The following PKIA variants were observed in gnomAD, a reference collection of about 807,000 sequenced individuals.
PKIA encodes the protein cAMP-dependent protein kinase inhibitor alpha.
A neutral mutation model predicts 7.6 loss-of-function variants in PKIA; 4 were observed. That is an observed-to-expected ratio of 0.52 (90% CI 0.26 to 1.20). The LOEUF (loss-of-function observed/expected upper bound fraction) is 1.20, where lower values mean the gene tolerates loss of function less well. Among genes scored for constraint, PKIA ranks in the 50% most tolerant of loss-of-function variants. PKIA has a pLI of 0.13. For synonymous variants in PKIA, 21 were observed against 30.7 expected (o/e 0.68, Z 1.04); for missense variants, 73 against 86.2 (o/e 0.85, Z 0.61).
chr8:78,575,666 G>T (rs376197379), intron 2 of PKIA, among the ~76,000 whole-genome samples: 1 of 151,976 alleles, frequency 6.6e-6, no homozygotes, highest in Admixed American at 6.6e-5. Context: ...TGGGGAATTT[G>T]AATATTCAGC....
At chr8:78,567,912 GT>G in intron 1 of PKIA, among the ~76,000 whole-genome samples, 1 of 152,090 alleles carries the variant, frequency 6.6e-6, no homozygotes, top group Non-Finnish European at 1.5e-5. Context: ...ATAATTGTGG[GT>G]TTTTAAAAAT....
intron 1 of PKIA, among the ~76,000 whole-genome samples, chr8:78,531,901 T>C (rs553022804): frequency 7.2e-5 from 11 of 152,248 alleles, no homozygotes; most frequent in African/African-American, 2.4e-4. Flanking sequence ...TTCAATAGAA[T>C]AGTCTTAAAT....
At chr8:78,559,152 C>G (rs557220640) in intron 1 of PKIA, among the ~76,000 whole-genome samples, 2 of 152,158 alleles carry the variant, frequency 1.3e-5, no homozygotes, top group African/African-American at 2.4e-5. Context: ...AAACTCCTGA[C>G]CTCAGGTGAT....
chr8:78,598,540 G>A lies in PKIA; in HGVS notation c.151+5G>A, dbSNP rs1450234209. The A allele has an allele frequency of 2.5e-6, 4 of 1,603,684 alleles. No homozygotes were observed. In the East Asian group the frequency reaches 6.7e-5, roughly 27 times the overall value. ...GTCTTGATATCAACAAGACAGGTAAGTCATCTGGCACACATTTCTCTATGA... is the reference window on the plus strand; with the variant it reads ...GTCTTGATATCAACAAGACAGGTAAATCATCTGGCACACATTTCTCTATGA... On this transcript the variant is annotated splice_donor_5th_base_variant and intron_variant, in intron 3 of 3. Transcript: ENST00000396418.
intron 1 of PKIA, among the ~76,000 whole-genome samples, chr8:78,564,343 A>T (rs2118528088): frequency 6.6e-6 from 1 of 152,038 alleles, no homozygotes; most frequent in East Asian, 1.9e-4. Flanking sequence ...GCTACCTAGG[A>T]ATAAGTTATG....
At chr8:78,549,621 C>T (rs1367370713) in intron 1 of PKIA, among the ~76,000 whole-genome samples, 1 of 151,318 alleles carries the variant, frequency 6.6e-6, no homozygotes, top group Non-Finnish European at 1.5e-5. Flanking sequence ...ATCCTATAAG[C>T]TTCACTGAAA....
At chr8:78,576,051 A>G (rs1282459775) in intron 2 of PKIA, among the ~76,000 whole-genome samples, 1 of 151,894 alleles carries the variant, frequency 6.6e-6, no homozygotes, top group African/African-American at 2.4e-5. Flanking sequence ...TTCTTCTTAT[A>G]AGGAATCCAG....
rs981466689 is a variant in PKIA, at chr8:78,537,166, GGTTTA to G, written c.-157+20708_-157+20712del. 1.7e-4 allele frequency among the ~76,000 whole-genome samples: 25 copies of G among 151,086 alleles called. No homozygotes were observed. The East Asian group carries it at 3.1e-3, about 19-fold the overall frequency. The stretch of plus-strand genomic sequence containing the variant: ...TTCCCAAAATTTCCCCAAGTAACAA[GGTTTA>G]GTTTAGTTTTTTTTTTTTTTAAGCT... On this transcript the variant is annotated intron_variant, in intron 1 of 3. Coordinates refer to ENST00000396418, the MANE Select transcript of PKIA (RefSeq NM_006823.4).
At chr8:78,598,817 C>A (rs1808289773) in intron 3 of PKIA, among the ~76,000 whole-genome samples, 1 of 151,870 alleles carries the variant, frequency 6.6e-6, no homozygotes, top group African/African-American at 2.4e-5. Context: ...ATCCTAATTT[C>A]TATAAAAGCT....
intron 1 of PKIA, among the ~76,000 whole-genome samples, chr8:78,536,616 A>G (rs1160368027): frequency 6.6e-6 from 1 of 152,052 alleles, no homozygotes; most frequent in African/African-American, 2.4e-5. Flanking sequence ...AGGAAGGTAG[A>G]AGAAACAATT....
intron 1 of PKIA, among the ~76,000 whole-genome samples, chr8:78,537,054 G>T (rs2118389506): frequency 6.6e-6 from 1 of 152,102 alleles, no homozygotes; most frequent in South Asian, 2.1e-4. Flanking sequence ...GACCTAGATA[G>T]AGCTCAGGGT....
intron 1 of PKIA, among the ~76,000 whole-genome samples, chr8:78,529,150 T>C (rs1208444327): frequency 1.3e-5 from 2 of 152,062 alleles, no homozygotes; most frequent in African/African-American, 4.8e-5. Flanking sequence ...ATTAACAAAA[T>C]GATTTATTTT....
intron 3 of PKIA, among the ~76,000 whole-genome samples, chr8:78,600,198 A>G (rs998241767): frequency 6.6e-6 from 1 of 151,964 alleles, no homozygotes; most frequent in African/African-American, 2.4e-5. Context: ...TTCTAAGTAC[A>G]AAAAACTAAT....
At chr8:78,518,371 T>C (rs1340476003) in intron 1 of PKIA, among the ~76,000 whole-genome samples, 1 of 152,206 alleles carries the variant, frequency 6.6e-6, no homozygotes, top group Non-Finnish European at 1.5e-5. Flanking sequence ...AACTATGAGG[T>C]AACAAAGAAC....
chr8:78,560,787 C>A (rs190249104), intron 1 of PKIA, among the ~76,000 whole-genome samples: 1 of 152,270 alleles, frequency 6.6e-6, no homozygotes, highest in Non-Finnish European at 1.5e-5. Flanking sequence ...ACAGGATAGC[C>A]TGAAAAGATA....
rs1489848777 is a variant in PKIA, at chr8:78,602,656, A to T, written c.*835A>T. 1 of 149,830 alleles carries T rather than the reference A, an allele frequency of 6.7e-6. No homozygotes were observed. The highest frequency in any genetic ancestry group is 1.5e-5 in the Non-Finnish European group (1 of 67,396). 9.3% of individuals were successfully genotyped at this position (149,830 alleles called of 1,614,324 possible). ...GCACAGACTGGAATTCAATCTGTCA[A>T]ATTTGTTTTATTCTCAAGTGGAGAA... On this transcript the variant is annotated 3_prime_UTR_variant, in exon 4 of 4. Transcript: ENST00000396418.
At chr8:78,531,265 T>G (rs1232355035) in intron 1 of PKIA, among the ~76,000 whole-genome samples, 1 of 152,118 alleles carries the variant, frequency 6.6e-6, no homozygotes. Context: ...ATTCAGAACC[T>G]TCTCAAAAAT....
intron 1 of PKIA, among the ~76,000 whole-genome samples, chr8:78,540,831 C>T (rs1286516423): frequency 2.6e-5 from 4 of 151,724 alleles, no homozygotes; most frequent in Non-Finnish European, 5.9e-5. Flanking sequence ...ATAATTATTA[C>T]ATTTGAGAAA....
intron 3 of PKIA, among the ~76,000 whole-genome samples, chr8:78,601,214 T>C (rs1448574757): frequency 6.6e-6 from 1 of 152,082 alleles, no homozygotes; most frequent in Non-Finnish European, 1.5e-5. Flanking sequence ...CCAGCTGACA[T>C]AGTGTCCTTT....
Sources: allele counts gnomAD v4.1 joint callset (sites outside exome capture counted in the v4.1 genomes callset), GRCh38; gene constraint gnomAD v4.1.1; transcripts MANE v1.5; gene names NCBI Gene and HGNC (gene_info 2026-07-23, HGNC 2026-07-21).